The following FAM89A variants were observed in gnomAD, a reference collection of about 807,000 sequenced individuals.
The protein encoded by FAM89A is protein FAM89A.
Under a neutral mutation model 7.1 loss-of-function variants are expected in FAM89A, and 10 were observed. That is an observed-to-expected ratio of 1.40 (90% confidence interval 0.86 to 2.38). The LOEUF (loss-of-function observed/expected upper bound fraction) is 2.38, where lower values mean the gene tolerates loss of function less well. Among genes scored for constraint, FAM89A ranks in the 30% most tolerant of loss-of-function variants. The probability of loss-of-function intolerance (pLI) is 0.00; values close to 1 mark genes in which losing one functional copy is unlikely to be tolerated. For synonymous variants in FAM89A, 157 were observed against 129.3 expected (o/e 1.21, Z -1.45); for missense variants, 276 against 262.8 (o/e 1.05, Z -0.35).
intron 1 of FAM89A, among the ~76,000 whole-genome samples, chr1:231,020,644 G>A (rs752253383): frequency 3.9e-5 from 6 of 152,158 alleles, no homozygotes; most frequent in Non-Finnish European, 7.3e-5. Context: ...CCACCTCTGT[G>A]CAGTTCAGTG....
intron 1 of FAM89A, among the ~76,000 whole-genome samples, chr1:231,024,671 G>T (rs570904792): frequency 1.3e-5 from 2 of 151,912 alleles, no homozygotes; most frequent in South Asian, 4.2e-4. Flanking sequence ...CATGCTGCTG[G>T]GACTACAGGT....
At chr1:231,024,202 C>CA (rs34183379) in intron 1 of FAM89A, among the ~76,000 whole-genome samples, 85 of 145,090 alleles carry the variant, frequency 5.9e-4, no homozygotes, top group African/African-American at 1.2e-3. Context: ...TAATTTGAAC[C>CA]AAAAAAAAAA....
chr1:231,019,531 C>T lies in FAM89A; in HGVS notation c.*332G>A, dbSNP rs1358735802. 3.9e-6 allele frequency: 1 copy of T among 253,394 alleles called. No homozygotes were observed. The highest frequency in any genetic ancestry group is 8.6e-5 in the East Asian group (1 of 11,656). The allele number at this position is 253,394 out of a possible 1,614,324, so 15.7% of individuals were successfully genotyped here. ...TGTAAGGAAGTAGCTAGCTACAAGC[C>T]ACCTCACACAAAACACCCACTAAGG... On this transcript the variant is annotated 3_prime_UTR_variant, in exon 2 of 2. Coordinates refer to ENST00000366654, the MANE Select transcript of FAM89A (RefSeq NM_198552.3).
Position 231,040,102 on chromosome 1 carries a change from G to A in FAM89A, c.110C>T (p.Ser37Leu). The A allele has an allele frequency of 7.0e-7, 1 of 1,433,014 alleles. No homozygotes were observed. The highest frequency in any genetic ancestry group is 2.3e-5 in the Admixed American group (1 of 42,800). 88.8% of individuals were successfully genotyped at this position (1,433,014 alleles called of 1,614,324 possible). ...CCCAGACGCGCCGCCGCCCGACGCC[G>A]AGTGCAGCAGCCCGCTCAAGCTCTT... Reference protein sequence around the residue: ...LPKSLSGLLHSASGGGASGGW... With the variant: ...LPKSLSGLLHLASGGGASGGW... Residue 37 changes from serine to leucine, a missense_variant, in exon 1 of 2, where the codon TCG (serine) becomes TTG (leucine). Transcript: ENST00000366654.
Position 231,019,924 on chromosome 1 carries a change from C to G in FAM89A, c.494G>C (p.Arg165Pro), listed in dbSNP as rs201394627. ...LHDRRDRGPP[R>P]DLSLPVSSLS... ...GGAGGAGACAGGCAGTGACAAGTCC[C>G]GAGGAGGGCCTCGGTCCCTCCTGTC... The change falls in exon 2 of 2, where the codon CGG becomes CCG. Residue 165 changes from arginine to proline, a missense_variant. By Grantham distance (103) the Arg-to-Pro change is moderately radical. Transcript: ENST00000366654. The G allele has an allele frequency of 6.2e-7, 1 of 1,614,180 alleles. No homozygotes were observed. Among genetic ancestry groups the G allele is most frequent in the East Asian group, 2.2e-5 (1 of 44,868 alleles).
At chr1:231,027,064 C>T (rs150835006) in intron 1 of FAM89A, 1 of 152,312 alleles carries the variant, frequency 6.6e-6, no homozygotes, top group African/African-American at 2.4e-5. Context: ...CTGCTTTTCT[C>T]CTTCCTGGGA....
At chr1:231,037,218 T>C (rs1480707852) in intron 1 of FAM89A, among the ~76,000 whole-genome samples, 3 of 152,164 alleles carry the variant, frequency 2.0e-5, no homozygotes, top group Non-Finnish European at 4.4e-5. Flanking sequence ...AAAACAGACT[T>C]TGAGTATCTA....
chr1:231,026,498 C>G (rs1679972068), intron 1 of FAM89A: 1 of 152,210 alleles, frequency 6.6e-6, no homozygotes, highest in Non-Finnish European at 1.5e-5. Flanking sequence ...CCCCACAGAG[C>G]CCTTGATGCT....
chr1:231,040,049 C>T lies in FAM89A; in HGVS notation c.163G>A (p.Ala55Thr). 2.8e-6 allele frequency: 4 copies of T among 1,446,866 alleles called. No individual in the cohort carries two copies. The highest frequency in any genetic ancestry group is 1.4e-5 in the South Asian group (1 of 73,866). 89.6% of individuals were successfully genotyped at this position (1,446,866 alleles called of 1,614,324 possible). ...TCGTCCTGGATGCGCGACTTCTGCG[C>T]GTACAGCCGCTCCAGGTGCCGCCAG... ...GGWRHLERLYAQKSRIQDELS... is the reference protein window; with the variant it reads ...GGWRHLERLYTQKSRIQDELS... Residue 55 changes from alanine to threonine, a missense_variant, in exon 1 of 2, where the codon GCG (alanine) becomes ACG (threonine). Transcript: ENST00000366654.
At chr1:231,033,803 T>G (rs1005348054) in intron 1 of FAM89A, among the ~76,000 whole-genome samples, 3 of 152,212 alleles carry the variant, frequency 2.0e-5, no homozygotes, top group Admixed American at 6.5e-5. Flanking sequence ...ATTTTTACTT[T>G]TAATCCTTTA....
chr1:231,027,455 C>T (rs981631886), intron 1 of FAM89A, among the ~76,000 whole-genome samples: 1 of 152,148 alleles, frequency 6.6e-6, no homozygotes, highest in Non-Finnish European at 1.5e-5. Context: ...CACACACATA[C>T]ATATGCACAC....
Position 231,019,621 on chromosome 1 carries a change from T to G in FAM89A, c.*242A>C. On this transcript the variant is annotated 3_prime_UTR_variant, in exon 2 of 2. Transcript: ENST00000366654. The stretch of plus-strand genomic sequence containing the variant: ...TCCCCAGCAGGTGCACCTCAATAAA[T>G]AGGTGTGGAGGATACTGCTGAGGAC... 1 of 468,842 alleles carries G rather than the reference T, an allele frequency of 2.1e-6. No individual in the cohort carries two copies. The highest frequency in any genetic ancestry group is 3.5e-5 in the South Asian group (1 of 28,968). 29.0% of individuals were successfully genotyped at this position (468,842 alleles called of 1,614,324 possible).
At chr1:231,027,724 C>G (rs531441168) in intron 1 of FAM89A, among the ~76,000 whole-genome samples, 1 of 152,342 alleles carries the variant, frequency 6.6e-6, no homozygotes, top group South Asian at 2.1e-4. Flanking sequence ...GTTCTTCAGG[C>G]TTACGCCCTT....
At chr1:231,021,591 G>A (rs749889193) in intron 1 of FAM89A, 49 of 1,383,000 alleles carry the variant, frequency 3.5e-5, no homozygotes, top group Middle Eastern at 1.8e-4. Context: ...GTTAGGAAAC[G>A]AAAGGCACCA....
intron 1 of FAM89A, among the ~76,000 whole-genome samples, chr1:231,036,800 T>C (rs1680162726): frequency 6.6e-6 from 1 of 152,180 alleles, no homozygotes; most frequent in African/African-American, 2.4e-5. Context: ...AGCTCCACAT[T>C]CTGAAATGTT....
At chr1:231,022,333 C>T (rs1310057458) in intron 1 of FAM89A, 1 of 625,558 alleles carries the variant, frequency 1.6e-6, no homozygotes, top group African/African-American at 1.8e-5. Flanking sequence ...CTTTTGTTAT[C>T]TCCAGTTTGA....
At chr1:231,034,892 G>A (rs761908728) in intron 1 of FAM89A, among the ~76,000 whole-genome samples, 4 of 152,086 alleles carry the variant, frequency 2.6e-5, no homozygotes, top group Non-Finnish European at 4.4e-5. Flanking sequence ...TGGAGCTGGC[G>A]GTCCATCCTT....
chr1:231,039,956 GGTTGGGAGGCT>G lies in FAM89A; in HGVS notation c.245_255del (p.Lys82ThrfsTer59). On this transcript the variant is annotated frameshift_variant, in exon 1 of 2. Transcript: ENST00000366654. LOFTEE classifies it low-confidence loss of function (END_TRUNC). The stretch of plus-strand genomic sequence containing the variant: ...CGGAGCAGCGCCAGAGCGGCGTCCA[GGTTGGGAGGCT>G]TGGCGGGCAGCGCTGCCGCCCGGGC... 1 of 1,365,630 alleles carries G rather than the reference GGTTGGGAGGCT, an allele frequency of 7.3e-7. No individual in the cohort carries two copies. Among genetic ancestry groups the G allele is most frequent in the Non-Finnish European group, 9.4e-7 (1 of 1,066,964 alleles). 84.6% of individuals were successfully genotyped at this position (1,365,630 alleles called of 1,614,324 possible).
intron 1 of FAM89A, chr1:231,021,945 C>T: frequency 1.4e-6 from 2 of 1,430,320 alleles, no homozygotes; most frequent in East Asian, 4.6e-5. Context: ...ACTACCCACA[C>T]TTCCAGAAAC....
Sources: gnomAD v4.1 joint callset for allele counts (sites outside exome capture counted in the v4.1 genomes callset) on GRCh38, gnomAD v4.1.1 for gene constraint, MANE v1.5 for transcripts, NCBI Gene and HGNC (gene_info 2026-07-23, HGNC 2026-07-21) for gene names.